RBM47: variants seen among roughly 807,000 people sequenced by gnomAD.
The protein encoded by RBM47 is RNA-binding protein 47.
A neutral mutation model predicts 47.1 loss-of-function variants in RBM47; 21 were observed. The observed-to-expected ratio is 0.45, with a 90% CI of 0.32 to 0.64. The LOEUF (loss-of-function observed/expected upper bound fraction) is 0.64. Among genes scored for constraint, RBM47 ranks in the 30% least tolerant of loss-of-function variants. The pLI is 0.05. For missense variants in RBM47, 708 were observed against 870.9 expected (o/e 0.81, Z 2.35); for synonymous variants, 375 against 361.7 (o/e 1.04, Z -0.42).
chr4:40,463,163 A>G (rs1195151807), intron 3 of RBM47, among the ~76,000 whole-genome samples: 1 of 152,254 alleles, frequency 6.6e-6, no homozygotes, highest in Non-Finnish European at 1.5e-5. Context: ...CAAGGAAGAT[A>G]TACATTATAC....
intron 2 of RBM47, among the ~76,000 whole-genome samples, chr4:40,509,565 T>C (rs1269425044): frequency 1.3e-5 from 2 of 152,150 alleles, no homozygotes; most frequent in Admixed American, 1.3e-4. Flanking sequence ...AGTGAGACCC[T>C]GTCTCTATAA....
In RBM47 at chr4:40,629,816, G is replaced by C. The variant is rs1227413349; in HGVS notation, c.-660C>G. The stretch of plus-strand genomic sequence containing the variant: ...GGTTCCACCCGCAGAGCGGCGCCGC[G>C]TCCCGGCTGCGTGGGGCGCTGCGCA... On this transcript the variant is annotated 5_prime_UTR_variant, in exon 1 of 7. Transcript: ENST00000295971. 1.3e-5 allele frequency: 2 copies of C among 152,196 alleles called. No homozygotes were observed. Among genetic ancestry groups the C allele is most frequent in the African/African-American group, 4.8e-5 (2 of 41,460 alleles). 9.4% of individuals were successfully genotyped at this position (152,196 alleles called of 1,614,324 possible).
chr4:40,562,713 A>G (rs7686873), intron 1 of RBM47, among the ~76,000 whole-genome samples: 41,271 of 151,852 alleles, frequency 0.27, 7,430 homozygotes, highest in African/African-American at 0.52. Context: ...TGACCTGCCC[A>G]CCTCGGCCTC....
intron 1 of RBM47, among the ~76,000 whole-genome samples, chr4:40,584,196 T>G (rs1733313653): frequency 6.6e-6 from 1 of 152,154 alleles, no homozygotes; most frequent in African/African-American, 2.4e-5. Flanking sequence ...TCTACTTGGC[T>G]CAAGCAGTTC....
chr4:40,480,170 G>T (rs559029584), intron 2 of RBM47, among the ~76,000 whole-genome samples: 2 of 151,990 alleles, frequency 1.3e-5, no homozygotes, highest in South Asian at 2.1e-4. Context: ...TAGAAACAGG[G>T]TTTCACTACG....
intron 1 of RBM47, among the ~76,000 whole-genome samples, chr4:40,547,298 G>A (rs1285611269): frequency 6.6e-6 from 1 of 152,112 alleles, no homozygotes; most frequent in East Asian, 1.9e-4. Context: ...CTTTAAATGG[G>A]TAATTAAGAT....
At chr4:40,618,911 C>T (rs1736998274) in intron 1 of RBM47, among the ~76,000 whole-genome samples, 1 of 151,814 alleles carries the variant, frequency 6.6e-6, no homozygotes, top group Non-Finnish European at 1.5e-5. Context: ...CTCCTGATCT[C>T]CTCTACCTGC....
At chr4:40,600,985 C>CAAAAAAAAAAAAAAAAAAAAA in intron 1 of RBM47, among the ~76,000 whole-genome samples, 42 of 49,980 alleles carry the variant, frequency 8.4e-4, no homozygotes, top group Non-Finnish European at 1.2e-3. Flanking sequence ...AACTCCGTCT[C>CAAAAAAAAAAAAAAAAAAAAA]AAAAAAAAAA....
At chr4:40,630,499 A>T (rs1738130728), upstream of RBM47, 1 of 152,158 alleles carries the variant, frequency 6.6e-6, no homozygotes, top group South Asian at 2.1e-4. Flanking sequence ...CGCAGGCAGG[A>T]GCGTCACGCG....
chr4:40,464,508 T>C (rs1239705176), intron 3 of RBM47, among the ~76,000 whole-genome samples: 1 of 152,196 alleles, frequency 6.6e-6, no homozygotes, highest in East Asian at 1.9e-4. Flanking sequence ...TCTCAAAATA[T>C]CATACTGTAT....
Position 40,432,203 on chromosome 4 carries a change from TACACACAC to T in RBM47, c.1542+440_1542+447del, listed in dbSNP as rs61008905. Among the ~76,000 whole-genome samples the T allele has an allele frequency of 8.2e-3, 1,213 of 147,822 alleles. 14 individuals are homozygous for T. The highest frequency in any genetic ancestry group is 0.022 in the East Asian group (113 of 5,026). ...TGTTCTTTCTCTCTCTCTCTCTCTT[TACACACAC>T]ACACACACACACACACACACACACA... is the stretch of plus-strand genomic sequence containing the variant. On this transcript the variant is annotated intron_variant, in intron 6 of 6. Coordinates refer to ENST00000295971, the MANE Select transcript of RBM47 (RefSeq NM_001098634.2).
intron 1 of RBM47, among the ~76,000 whole-genome samples, chr4:40,567,624 T>A (rs1345650935): frequency 6.6e-6 from 1 of 151,996 alleles, no homozygotes; most frequent in Non-Finnish European, 1.5e-5. Context: ...GGGTGGCCCA[T>A]ATAATGGTTT....
intron 1 of RBM47, among the ~76,000 whole-genome samples, chr4:40,613,984 T>A (rs1188956064): frequency 6.6e-6 from 1 of 151,574 alleles, no homozygotes; most frequent in Non-Finnish European, 1.5e-5. Flanking sequence ...AAGCTCCCAA[T>A]CCCCATCCCC....
intron 2 of RBM47, among the ~76,000 whole-genome samples, chr4:40,505,915 CAAAAA>C (rs1553892447): frequency 1.8e-5 from 2 of 111,890 alleles, no homozygotes; most frequent in Non-Finnish European, 3.8e-5. Flanking sequence ...CAAAACAAAA[CAAAAA>C]ACAAAAAAAC....
intron 3 of RBM47, among the ~76,000 whole-genome samples, chr4:40,456,566 TTTTTC>T (rs1231774570): frequency 4.8e-5 from 4 of 83,058 alleles, no homozygotes; most frequent in African/African-American, 1.5e-4. Context: ...TTTCTTTTCT[TTTTTC>T]TTTTTTTTTT....
chr4:40,561,308 T>C (rs1027805336), intron 1 of RBM47, among the ~76,000 whole-genome samples: 13 of 146,276 alleles, frequency 8.9e-5, no homozygotes, highest in African/African-American at 3.3e-4. Context: ...CTCGGCTCAC[T>C]GCGACCACCG....
intron 2 of RBM47, among the ~76,000 whole-genome samples, chr4:40,485,412 AC>A (rs1720939906): frequency 6.6e-6 from 1 of 152,166 alleles, no homozygotes; most frequent in Non-Finnish European, 1.5e-5. Context: ...TGCAGATGGG[AC>A]CCTCTTCTGT....
At chr4:40,499,013 C>T (rs148358286) in intron 2 of RBM47, among the ~76,000 whole-genome samples, 35 of 152,132 alleles carry the variant, frequency 2.3e-4, no homozygotes, top group African/African-American at 8.4e-4. Flanking sequence ...CCATTGCACT[C>T]CAGCCTGGGC....
intron 1 of RBM47, among the ~76,000 whole-genome samples, chr4:40,570,580 A>C (rs1252174040): frequency 6.6e-6 from 1 of 151,284 alleles, no homozygotes; most frequent in African/African-American, 2.5e-5. Context: ...GTGCTGTTCA[A>C]CTCCTGCCTG....
Sources: gnomAD v4.1 joint callset for allele counts (sites outside exome capture counted in the v4.1 genomes callset) on GRCh38, gnomAD v4.1.1 for gene constraint, MANE v1.5 for transcripts, NCBI Gene and HGNC (gene_info 2026-07-23, HGNC 2026-07-21) for gene names.